ADD3: variants seen among roughly 807,000 people sequenced by gnomAD.
ADD3 encodes gamma-adducin.
Under a neutral mutation model 80.2 loss-of-function variants are expected in ADD3, and 25 were observed. The observed-to-expected ratio is 0.31, with a 90% CI of 0.23 to 0.44. The LOEUF is 0.44. Ranked by LOEUF, ADD3 falls within the 20% of genes least tolerant of loss-of-function variation. The pLI, the probability that ADD3 is intolerant of heterozygous loss-of-function variation, is 1.00. For synonymous variants in ADD3, 284 were observed against 289.6 expected, an observed-to-expected ratio of 0.98 and a Z score of 0.20; for missense variants, 829 against 847.5, an observed-to-expected ratio of 0.98 and a Z score of 0.27.
At chr10:110,067,889 C>A (rs1396896745) in intron 1 of ADD3, among the ~76,000 whole-genome samples, 1 of 152,078 alleles carries the variant, frequency 6.6e-6, no homozygotes. Flanking sequence ...TTGTTTTTTT[C>A]ATATTCCTTT....
At chr10:110,051,423 A>T (rs545031057) in intron 1 of ADD3, among the ~76,000 whole-genome samples, 1 of 152,266 alleles carries the variant, frequency 6.6e-6, no homozygotes, top group East Asian at 1.9e-4. Flanking sequence ...AAAGTTAAAC[A>T]TAATACAAAA....
At chr10:110,019,286 A>T (rs1451673797) in intron 1 of ADD3, among the ~76,000 whole-genome samples, 1 of 151,588 alleles carries the variant, frequency 6.6e-6, no homozygotes, top group African/African-American at 2.4e-5. Flanking sequence ...TGTCATGTTT[A>T]TCCCTTACTA....
At position 110,118,728 on chromosome 10, in the gene ADD3, A is replaced by G; in HGVS notation, c.709A>G (p.Thr237Ala). 1 of 1,613,812 alleles carries G rather than the reference A, an allele frequency of 6.2e-7. No homozygotes were observed. The highest frequency in any genetic ancestry group is 8.5e-7 in the Non-Finnish European group (1 of 1,179,780). Residue 237 changes from threonine (T) to alanine (A), a missense_variant, in exon 6 of 15, where the codon ACA (threonine) becomes GCA (alanine). By Grantham distance (58) the Thr-to-Ala change is moderately conservative (BLOSUM62 0). Transcript: ENST00000356080. ...KCVIHIHTLA[T>A]AAVSSMKCGI... ...TGTGATACACATCCATACCCTTGCA[A>G]CAGCAGCTGTAAGTCAATGAAAGTC...
intron 1 of ADD3, among the ~76,000 whole-genome samples, chr10:110,092,844 A>C (rs1202747294): frequency 6.6e-6 from 1 of 151,596 alleles, no homozygotes; most frequent in Non-Finnish European, 1.5e-5. Flanking sequence ...TCGCCTTTTC[A>C]TAGAGTTGTG....
At chr10:110,036,174 C>G (rs745892041) in intron 1 of ADD3, among the ~76,000 whole-genome samples, 1 of 151,958 alleles carries the variant, frequency 6.6e-6, no homozygotes, top group Non-Finnish European at 1.5e-5. Context: ...AAAAACCTGT[C>G]ATCTGTTGTG....
At chr10:110,054,544 T>G (rs892878522) in intron 1 of ADD3, among the ~76,000 whole-genome samples, 1 of 148,834 alleles carries the variant, frequency 6.7e-6, no homozygotes. Flanking sequence ...CAGGTTCAAG[T>G]GATTCTCCTG....
At chr10:110,037,971 AG>A (rs1855860451) in intron 1 of ADD3, among the ~76,000 whole-genome samples, 1 of 147,996 alleles carries the variant, frequency 6.8e-6, no homozygotes, top group African/African-American at 2.5e-5. Flanking sequence ...TGGGAGGCTG[AG>A]GCAGGAGAAT....
At chr10:110,049,614 G>A (rs767300127) in intron 1 of ADD3, among the ~76,000 whole-genome samples, 11 of 152,140 alleles carry the variant, frequency 7.2e-5, no homozygotes, top group Non-Finnish European at 8.8e-5. Context: ...CTGGCCAGGC[G>A]CGGTGGCTCA....
chr10:110,089,344 C>T (rs1847190845), intron 1 of ADD3, among the ~76,000 whole-genome samples: 2 of 151,972 alleles, frequency 1.3e-5, no homozygotes, highest in South Asian at 2.1e-4. Context: ...GGATAGTTTC[C>T]TGGATCTCAA....
chr10:110,026,958 G>A (rs934037445), intron 1 of ADD3, among the ~76,000 whole-genome samples: 6 of 152,184 alleles, frequency 3.9e-5, no homozygotes, highest in African/African-American at 1.4e-4. Context: ...TTCTGGCTGG[G>A]TCCCAAAATC....
At chr10:110,072,372 A>G (rs1844835791) in intron 1 of ADD3, among the ~76,000 whole-genome samples, 1 of 152,108 alleles carries the variant, frequency 6.6e-6, no homozygotes, top group Non-Finnish European at 1.5e-5. Context: ...GCCACCATGT[A>G]TAATATTTTT....
rs144131373 is a variant in ADD3 at position 110,103,771 on chromosome 10, A to G, written c.195+2923A>G. On this transcript the variant is annotated intron_variant, in intron 2 of 14. Coordinates refer to ENST00000356080, the MANE Select transcript of ADD3 (RefSeq NM_016824.5). ...TAGTGTGCAGTGGCTGTTAACAGGC[A>G]CAATCATAGCACACAAAATCCTGTG... Among the ~76,000 whole-genome samples the G allele has an allele frequency of 6.3e-3, 953 of 152,190 alleles. 7 individuals carry two copies. Among genetic ancestry groups the G allele is most frequent in the African/African-American group, 0.022 (909 of 41,524 alleles).
chr10:110,007,790 G>C (rs1047103781), upstream of ADD3, among the ~76,000 whole-genome samples: 2 of 151,714 alleles, frequency 1.3e-5, no homozygotes, highest in East Asian at 2.0e-4. Flanking sequence ...GAGAGAGCTC[G>C]GGGCTGCCAG....
chr10:110,133,402 G>C lies in ADD3; in HGVS notation c.1905G>C (p.Met635Ile), dbSNP rs73352950. The C allele has an allele frequency of 3.4e-3, 5,468 of 1,613,332 alleles. 142 individuals are homozygous for C. In the African/African-American group the frequency reaches 0.06, roughly 18 times the overall value. The change falls in exon 15 of 15, where the codon ATG (methionine) becomes ATC (isoleucine). Residue 635 changes from methionine (M) to isoleucine (I), a missense_variant. By Grantham distance (10) the Met-to-Ile change is conservative. Coordinates refer to ENST00000356080, the MANE Select transcript of ADD3 (RefSeq NM_016824.5). ...PVMVVNGKDD[M>I]HDVEDELAKR... ...TGGTAGTAAATGGCAAGGATGATAT[G>C]CATGATGTTGAAGATGAGCTTGCTA...
intron 1 of ADD3, among the ~76,000 whole-genome samples, chr10:110,080,762 T>A (rs1280481387): frequency 1.3e-5 from 2 of 152,244 alleles, no homozygotes; most frequent in African/African-American, 4.8e-5. Flanking sequence ...TTCTAGCCCT[T>A]TAATCCATCT....
intron 2 of ADD3, among the ~76,000 whole-genome samples, chr10:110,109,209 T>C (rs1424149850): frequency 6.6e-6 from 1 of 152,190 alleles, no homozygotes; most frequent in African/African-American, 2.4e-5. Context: ...TGTGATTCTC[T>C]TGAGTACCTG....
Position 110,116,415 on chromosome 10 carries a change from G to A in ADD3, c.486+5G>A. On this transcript the variant is annotated splice_donor_5th_base_variant and intron_variant, in intron 4 of 14. Transcript: ENST00000356080. ...CTGGCAAATACCTATATCTCAGTGAGTTCTTCAGCTTTCAATTCCTTTTTT... is the reference window on the plus strand; with the variant it reads ...CTGGCAAATACCTATATCTCAGTGAATTCTTCAGCTTTCAATTCCTTTTTT... The A allele has an allele frequency of 6.2e-7, 1 of 1,612,912 alleles. No individual in the cohort carries two copies. The highest frequency in any genetic ancestry group is 8.5e-7 in the Non-Finnish European group (1 of 1,179,594).
upstream of ADD3, chr10:110,006,022 T>C: frequency 4.1e-6 from 1 of 246,626 alleles, no homozygotes; most frequent in Non-Finnish European, 8.3e-6. Flanking sequence ...CCGCCGCTGC[T>C]GCTGCTGCTG....
intron 1 of ADD3, among the ~76,000 whole-genome samples, chr10:110,076,009 T>A (rs960458823): frequency 8.5e-5 from 13 of 152,208 alleles, no homozygotes; most frequent in Admixed American, 8.5e-4. Context: ...GAGTAGCTCT[T>A]GGCTAGAGTA....
Sources: gnomAD v4.1 joint callset for allele counts (sites outside exome capture counted in the v4.1 genomes callset) on GRCh38, gnomAD v4.1.1 for gene constraint, MANE v1.5 for transcripts, NCBI Gene and HGNC (gene_info 2026-07-23, HGNC 2026-07-21) for gene names.